Variants in TP63 observed in about 807,000 individuals in gnomAD.
The protein encoded by TP63 is tumor protein 63.
A neutral mutation model predicts 82.8 loss-of-function variants in TP63; 17 were observed. The observed-to-expected ratio is 0.21, with a 90% confidence interval of 0.14 to 0.31. TP63 has a LOEUF of 0.31. Ranked by LOEUF, TP63 falls within the 10% of genes least tolerant of loss-of-function variation. The pLI is 1.00. For synonymous variants in TP63, 330 were observed against 321.7 expected (o/e 1.03, Z -0.28); for missense variants, 648 against 895.3 (o/e 0.72, Z 3.52).
intron 1 of TP63, among the ~76,000 whole-genome samples, chr3:189,664,422 G>T (rs955929869): frequency 1.4e-4 from 22 of 152,052 alleles, no homozygotes; most frequent in African/African-American, 4.8e-4. Context: ...CTTTGGTACT[G>T]CCATCCTATT....
chr3:189,758,253 C>T (rs559593593), intron 3 of TP63, among the ~76,000 whole-genome samples: 1 of 152,330 alleles, frequency 6.6e-6, no homozygotes, highest in East Asian at 1.9e-4. Flanking sequence ...GCTGATCTGA[C>T]AGGAGGTGGG....
intron 1 of TP63, among the ~76,000 whole-genome samples, chr3:189,667,967 C>T (rs1714550868): frequency 1.3e-5 from 2 of 152,036 alleles, no homozygotes; most frequent in African/African-American, 4.8e-5. Context: ...AGATTTGACC[C>T]ACAGACCATA....
chr3:189,612,500 T>G, the TP63 span, among the ~76,000 whole-genome samples: 1 of 152,156 alleles, frequency 6.6e-6, no homozygotes, highest in Non-Finnish European at 1.5e-5. Flanking sequence ...CTCCTTTCTT[T>G]GTAAATTGCC....
intron 8 of TP63, 63 bp downstream of exon 8, chr3:189,868,779 G>A (rs575352833): frequency 3.7e-6 from 6 of 1,611,814 alleles, no homozygotes; most frequent in African/African-American, 2.7e-5. Context: ...GGAGAATGGG[G>A]TGATATTGGA....
chr3:189,890,270 GACCAGC>G, intron 12 of TP63, among the ~76,000 whole-genome samples: 1 of 152,130 alleles, frequency 6.6e-6, no homozygotes, highest in Non-Finnish European at 1.5e-5. Context: ...ATCAGTCTCA[GACCAGC>G]ACCAAAAGGA....
rs779485146 is a variant in TP63 at position 189,737,791 on chromosome 3, C to T, written c.114C>T (p.Ser38=). 43 of 1,613,850 alleles carry T rather than the reference C, an allele frequency of 2.7e-5. No individual in the cohort carries two copies. Among genetic ancestry groups the T allele is most frequent in the Admixed American group, 8.3e-5 (5 of 59,994 alleles). The change falls in exon 2 of 14, where the codon TCC becomes TCT. Residue 38 remains serine, a synonymous_variant. Coordinates refer to ENST00000264731, the MANE Select transcript of TP63 (RefSeq NM_003722.5). ...CTTGGAAAGAAAGTTATTACCGATC[C>T]ACCATGTCCCAGAGCACACAGACAA... The part of the protein sequence containing the change: ...HFSWKESYYR[S]TMSQSTQTNE...
intron 3 of TP63, among the ~76,000 whole-genome samples, chr3:189,754,272 T>C (rs1053790789): frequency 1.3e-5 from 2 of 152,180 alleles, no homozygotes; most frequent in Admixed American, 6.6e-5. Context: ...TTAATACCTC[T>C]CTTCCTTCTT....
chr3:189,868,814 C>T (rs1336656411), intron 8 of TP63, 98 bp downstream of exon 8: 1 of 1,594,960 alleles, frequency 6.3e-7, no homozygotes, highest in African/African-American at 1.3e-5. Flanking sequence ...AGACCTGTGA[C>T]CTTCAGCAGC....
intron 1 of TP63, among the ~76,000 whole-genome samples, chr3:189,717,365 C>G (rs1339857972): frequency 2.0e-5 from 3 of 152,144 alleles, no homozygotes; most frequent in Non-Finnish European, 2.9e-5. Flanking sequence ...CCACACTGAT[C>G]AAGAGACCAG....
At chr3:189,808,700 A>T (rs1727206105) in intron 4 of TP63, among the ~76,000 whole-genome samples, 174 bp downstream of exon 4, 1 of 152,356 alleles carries the variant, frequency 6.6e-6, no homozygotes, top group South Asian at 2.1e-4. Flanking sequence ...TTAGTGGGAA[A>T]AGTCCCAATT....
At chr3:189,626,928 T>TTG (rs1729331996), upstream of TP63, among the ~76,000 whole-genome samples, 1 of 152,044 alleles carries the variant, frequency 6.6e-6, no homozygotes, top group Non-Finnish European at 1.5e-5. Flanking sequence ...CATGTTTTGT[T>TTG]TGTTTGTTTG....
intron 4 of TP63, among the ~76,000 whole-genome samples, chr3:189,815,053 A>G (rs62279946): frequency 0.094 from 14,298 of 151,764 alleles, 808 homozygotes; most frequent in African/African-American, 0.15. Context: ...CTTTCTCCCT[A>G]TTCTTCTCCT....
intron 1 of TP63, among the ~76,000 whole-genome samples, chr3:189,672,646 G>GGAAGGAAAGA: frequency 9.8e-6 from 1 of 101,958 alleles, no homozygotes; most frequent in African/African-American, 3.6e-5. Context: ...GGGAGGGAGG[G>GGAAGGAAAGA]AGGGAGGAAG....
intron 1 of TP63, among the ~76,000 whole-genome samples, chr3:189,632,582 G>A (rs778759175): frequency 4.6e-5 from 7 of 152,034 alleles, no homozygotes. Context: ...CGAAAAGGCA[G>A]AAGAGAAAGA....
intron 3 of TP63, among the ~76,000 whole-genome samples, chr3:189,755,650 G>A (rs1280802240): frequency 6.6e-6 from 1 of 152,086 alleles, no homozygotes; most frequent in African/African-American, 2.4e-5. Flanking sequence ...ATGCTTAGAA[G>A]TGTAATTATT....
At chr3:189,778,366 C>G (rs1723980375) in intron 3 of TP63, among the ~76,000 whole-genome samples, 1 of 152,164 alleles carries the variant, frequency 6.6e-6, no homozygotes, top group Non-Finnish European at 1.5e-5. Context: ...ATCAAATCAA[C>G]TAATTTTTAA....
In TP63 at chr3:189,789,799, A is replaced by G. The variant is rs1223022500; in HGVS notation, c.325-18473A>G. 2.5e-6 allele frequency: 4 copies of G among 1,595,834 alleles called. No homozygotes were observed. The Admixed American group carries it at 5.2e-5, about 21-fold the overall frequency. On this transcript the variant is annotated intron_variant, in intron 3 of 13. Coordinates refer to ENST00000264731, the MANE Select transcript of TP63 (RefSeq NM_003722.5). ...GCAGCATTGATCAATCTTACAGCTA[A>G]CATGTTGTACCTGGAAAACAATGCC...
the TP63 span, among the ~76,000 whole-genome samples, chr3:189,612,641 T>C: frequency 6.6e-6 from 1 of 151,718 alleles, no homozygotes; most frequent in Non-Finnish European, 1.5e-5. Context: ...GAGGCAGAGG[T>C]TGGAAGAGTT....
chr3:189,649,272 A>G (rs2108633008), intron 1 of TP63, among the ~76,000 whole-genome samples: 1 of 147,152 alleles, frequency 6.8e-6, no homozygotes. Flanking sequence ...TAGACTGGAC[A>G]CCATGGAACA....
Sources: gnomAD v4.1 joint callset for allele counts (sites outside exome capture counted in the v4.1 genomes callset) on GRCh38, gnomAD v4.1.1 for gene constraint, MANE v1.5 for transcripts, NCBI Gene and HGNC (gene_info 2026-07-23, HGNC 2026-07-21) for gene names.